Variants in CPQ observed in about 807,000 individuals in gnomAD.
The protein encoded by CPQ is Ser-Met dipeptidase.
CPQ carries 37 observed loss-of-function variants against 45.7 expected under a neutral mutation model. The ratio of observed to expected loss-of-function variants is 0.81; its 90% CI spans 0.62 to 1.07. The LOEUF (loss-of-function observed/expected upper bound fraction) is 1.07, where lower values mean the gene tolerates loss of function less well. Among genes scored for constraint, CPQ ranks in the 50% least tolerant of loss-of-function variants. The probability of loss-of-function intolerance (pLI) is 0.00; values close to 1 mark genes in which losing one functional copy is unlikely to be tolerated. For missense variants in CPQ, 537 were observed against 572.9 expected (o/e 0.94, Z 0.64); for synonymous variants, 186 against 205.8 (o/e 0.90, Z 0.82).
chr8:96,881,067 C>T (rs1442158301), intron 4 of CPQ, among the ~76,000 whole-genome samples: 1 of 152,060 alleles, frequency 6.6e-6, no homozygotes, highest in Non-Finnish European at 1.5e-5. Flanking sequence ...TGAAGCTAGC[C>T]TGGCATTTGA....
At chr8:96,997,014 C>A (rs561176432) in intron 5 of CPQ, among the ~76,000 whole-genome samples, 1 of 152,088 alleles carries the variant, frequency 6.6e-6, no homozygotes, top group East Asian at 1.9e-4. Flanking sequence ...ATGAAAGAAT[C>A]AGAATTTATA....
chr8:96,783,880 C>T (rs963497343), intron 1 of CPQ, among the ~76,000 whole-genome samples: 1 of 152,122 alleles, frequency 6.6e-6, no homozygotes, highest in Non-Finnish European at 1.5e-5. Context: ...TACATTTACT[C>T]ATAATCTCTG....
chr8:96,693,032 A>C (rs1026899228), intron 1 of CPQ, among the ~76,000 whole-genome samples: 15 of 152,250 alleles, frequency 9.9e-5, no homozygotes, highest in African/African-American at 3.6e-4. Flanking sequence ...GGAGTCCAAA[A>C]AGGCAATTGA....
In CPQ at chr8:97,122,960, A is replaced by G. The variant is rs1260045569; in HGVS notation, c.1256-20060A>G. Among the ~76,000 whole-genome samples the G allele has an allele frequency of 9.7e-4, 85 of 87,334 alleles. 3 individuals carry two copies. The highest frequency in any genetic ancestry group is 1.5e-3 in the Admixed American group (9 of 6,008). 57.3% of individuals were successfully genotyped at this position (87,334 alleles called of 152,430 possible). A position where few individuals can be genotyped will look rare whatever the true frequency, so the allele number is the denominator to read the frequency against. ...ATAAAATAAAATAAAATAAAATAAA[A>G]TAAAATAAAATAAAATAAAATTAAA... On this transcript the variant is annotated intron_variant, in intron 7 of 7. Transcript: ENST00000220763.
intron 5 of CPQ, among the ~76,000 whole-genome samples, chr8:97,024,825 C>T (rs1299684088): frequency 1.3e-5 from 2 of 152,208 alleles, no homozygotes; most frequent in African/African-American, 4.8e-5. Flanking sequence ...AGTGTAGGCA[C>T]TCTCTTCTGG....
intron 7 of CPQ, among the ~76,000 whole-genome samples, chr8:97,126,979 A>C (rs963788105): frequency 6.6e-6 from 1 of 152,184 alleles, no homozygotes; most frequent in Non-Finnish European, 1.5e-5. Flanking sequence ...AAAAAAATGA[A>C]CCTTAGCCCT....
At chr8:96,935,659 G>C (rs917112197) in intron 4 of CPQ, among the ~76,000 whole-genome samples, 1 of 152,192 alleles carries the variant, frequency 6.6e-6, no homozygotes, top group Non-Finnish European at 1.5e-5. Context: ...ACGTGTTTTA[G>C]TTGAGTATAA....
At chr8:96,947,994 A>G (rs892312218) in intron 4 of CPQ, among the ~76,000 whole-genome samples, 2 of 152,064 alleles carry the variant, frequency 1.3e-5, no homozygotes, top group Non-Finnish European at 2.9e-5. Flanking sequence ...AAGACCCAAT[A>G]TAGCAACCAA....
At chr8:97,002,760 C>G (rs1311186878) in intron 5 of CPQ, among the ~76,000 whole-genome samples, 1 of 152,126 alleles carries the variant, frequency 6.6e-6, no homozygotes, top group East Asian at 1.9e-4. Flanking sequence ...CTGTAGATAT[C>G]TATTTGATCT....
chr8:96,797,248 CTG>C (rs1810943656), intron 2 of CPQ, among the ~76,000 whole-genome samples: 1 of 152,192 alleles, frequency 6.6e-6, no homozygotes, highest in South Asian at 2.1e-4. Context: ...AGAACCCTAA[CTG>C]TAGAAAATCC....
intron 1 of CPQ, among the ~76,000 whole-genome samples, chr8:96,648,407 A>G (rs1815541163): frequency 6.6e-6 from 1 of 152,220 alleles, no homozygotes; most frequent in Non-Finnish European, 1.5e-5. Flanking sequence ...CTTAGCTTTT[A>G]AAAACAAACA....
chr8:96,957,912 T>C (rs1223711972), intron 4 of CPQ, among the ~76,000 whole-genome samples: 2 of 151,746 alleles, frequency 1.3e-5, no homozygotes, highest in East Asian at 3.9e-4. Flanking sequence ...TGGCTCACTG[T>C]AGCCACAGTC....
At chr8:96,909,259 T>A (rs1227242293) in intron 4 of CPQ, among the ~76,000 whole-genome samples, 1 of 151,950 alleles carries the variant, frequency 6.6e-6, no homozygotes, top group African/African-American at 2.4e-5. Context: ...CATTCTAGAT[T>A]GTTTTAATGG....
At chr8:97,026,827 T>C (rs1489544528) in intron 5 of CPQ, among the ~76,000 whole-genome samples, 1 of 152,238 alleles carries the variant, frequency 6.6e-6, no homozygotes, top group Non-Finnish European at 1.5e-5. Context: ...TGATTTGGAA[T>C]GTAAAGGAGA....
chr8:97,110,286 C>G (rs1029357857), intron 7 of CPQ, among the ~76,000 whole-genome samples: 3 of 152,174 alleles, frequency 2.0e-5, no homozygotes, highest in Non-Finnish European at 4.4e-5. Flanking sequence ...CACGCTGTTG[C>G]ATTTATCAAT....
intron 2 of CPQ, among the ~76,000 whole-genome samples, chr8:96,803,645 A>T (rs571779257): frequency 1.3e-5 from 2 of 151,774 alleles, no homozygotes; most frequent in African/African-American, 4.9e-5. Context: ...ATGTCCTCAT[A>T]TGCAATGCTC....
chr8:97,114,625 A>G (rs1335746371), intron 7 of CPQ, among the ~76,000 whole-genome samples: 12 of 152,206 alleles, frequency 7.9e-5, no homozygotes, highest in Admixed American at 7.9e-4. Context: ...ATCCTAATGC[A>G]TTAAACTCAC....
At chr8:96,812,308 C>G (rs1811169254) in intron 2 of CPQ, among the ~76,000 whole-genome samples, 1 of 152,056 alleles carries the variant, frequency 6.6e-6, no homozygotes, top group Non-Finnish European at 1.5e-5. Flanking sequence ...TGTTTCCCAG[C>G]CATTCATGTT....
intron 1 of CPQ, among the ~76,000 whole-genome samples, chr8:96,661,984 C>T (rs1161954496): frequency 6.6e-6 from 1 of 152,174 alleles, no homozygotes; most frequent in Non-Finnish European, 1.5e-5. Context: ...GGCCATTCTG[C>T]TAGGTCTGTA....
Sources: gnomAD v4.1 joint callset for allele counts (sites outside exome capture counted in the v4.1 genomes callset) on GRCh38, gnomAD v4.1.1 for gene constraint, MANE v1.5 for transcripts, NCBI Gene and HGNC (gene_info 2026-07-23, HGNC 2026-07-21) for gene names.